The following GRIN2B variants were observed in gnomAD, a reference collection of about 807,000 sequenced individuals.
GRIN2B encodes the protein glutamate ionotropic receptor NMDA type subunit 2B.
Under a neutral mutation model 114.5 loss-of-function variants are expected in GRIN2B, and 5 were observed. That is an observed-to-expected ratio of 0.04 (90% CI 0.02 to 0.09). GRIN2B has a LOEUF of 0.09. Ranked by LOEUF, GRIN2B falls within the 10% of genes least tolerant of loss-of-function variation. GRIN2B has a pLI of 1.00. For missense variants in GRIN2B, 1,108 were observed against 1,943.5 expected, an observed-to-expected ratio of 0.57 and a Z score of 8.08; for synonymous variants, 787 against 745.1, an observed-to-expected ratio of 1.06 and a Z score of -0.92.
chr12:13,927,247 G>A (rs993132659), intron 2 of GRIN2B, among the ~76,000 whole-genome samples: 1 of 152,078 alleles, frequency 6.6e-6, no homozygotes, highest in Non-Finnish European at 1.5e-5. Context: ...TTTAAAACAG[G>A]GCATCTGATT....
chr12:13,692,956 T>C (rs1226267726), intron 4 of GRIN2B, among the ~76,000 whole-genome samples: 1 of 151,414 alleles, frequency 6.6e-6, no homozygotes, highest in East Asian at 1.9e-4. Flanking sequence ...TTAGTAGAGA[T>C]GGGGTTGCTC....
chr12:13,757,630 G>A (rs1295242584), intron 3 of GRIN2B, among the ~76,000 whole-genome samples: 3 of 152,124 alleles, frequency 2.0e-5, no homozygotes, highest in Admixed American at 6.5e-5. Context: ...AAGAATCCCA[G>A]TCAAATTTAT....
At chr12:13,611,467 A>G (rs982641771) in intron 9 of GRIN2B, among the ~76,000 whole-genome samples, 3 of 152,172 alleles carry the variant, frequency 2.0e-5, no homozygotes, top group African/African-American at 7.2e-5. Context: ...ATATCTACCA[A>G]TAGTTTTTCC....
intron 2 of GRIN2B, among the ~76,000 whole-genome samples, chr12:13,920,283 A>C: frequency 6.6e-6 from 1 of 151,414 alleles, no homozygotes; most frequent in Non-Finnish European, 1.5e-5. Flanking sequence ...GGTGGAGAGT[A>C]GGAGGTGAAG....
At chr12:13,691,022 T>G (rs1950212027) in intron 4 of GRIN2B, among the ~76,000 whole-genome samples, 1 of 152,186 alleles carries the variant, frequency 6.6e-6, no homozygotes, top group Non-Finnish European at 1.5e-5. Context: ...TTTCTAGTAC[T>G]TTTCAATTTT....
In GRIN2B at chr12:13,866,133, C is replaced by T. The variant is rs79962661; in HGVS notation, c.76G>A (p.Ala26Thr). Residue 26 changes from alanine (A) to threonine (T), a missense_variant, in exon 3 of 14, where the codon GCT becomes ACT. By Grantham distance (58) the Ala-to-Thr change is moderately conservative. Around this residue, in one of 19 missense-constraint regions of GRIN2B, gnomAD observed 46 missense variants for 44.4 expected, o/e 1.04. Transcript: ENST00000609686. ...CTGGGGGGGCTCTTCTGAGAACGAG[C>T]TCTGCTGCCTGACACGGCCAGGACG... ...LAVLAVSGSR[A>T]RSQKSPPSIG... The T allele has an allele frequency of 1.2e-6, 2 of 1,613,622 alleles. No individual in the cohort carries two copies. The highest frequency in any genetic ancestry group is 1.7e-6 in the Non-Finnish European group (2 of 1,180,002).
chr12:13,605,551 T>TCTCTCTCTCTCTCTCTCTCTCTCACA, intron 10 of GRIN2B, among the ~76,000 whole-genome samples: 8 of 30,446 alleles, frequency 2.6e-4, no homozygotes, highest in Admixed American at 3.8e-4. Flanking sequence ...TCTCTCTCTC[T>TCTCTCTCTCTCTCTCTCTCTCTCACA]GACACACACA....
At chr12:13,912,028 C>G (rs1202873511) in intron 2 of GRIN2B, among the ~76,000 whole-genome samples, 1 of 152,116 alleles carries the variant, frequency 6.6e-6, no homozygotes, top group Non-Finnish European at 1.5e-5. Context: ...CCAAGCCCCT[C>G]AGAACTCGCC....
intron 3 of GRIN2B, among the ~76,000 whole-genome samples, chr12:13,769,971 C>T (rs1044543022): frequency 1.3e-5 from 2 of 152,196 alleles, no homozygotes; most frequent in Non-Finnish European, 2.9e-5. Context: ...TTTATTTTAT[C>T]TGAACTTCTA....
intron 4 of GRIN2B, among the ~76,000 whole-genome samples, chr12:13,716,189 G>A (rs1181056821): frequency 6.6e-6 from 1 of 151,872 alleles, no homozygotes; most frequent in East Asian, 1.9e-4. Context: ...TTAATAGTAA[G>A]TTCTGCATAA....
intron 5 of GRIN2B, among the ~76,000 whole-genome samples, chr12:13,628,016 G>A (rs1949585556): frequency 6.6e-6 from 1 of 152,208 alleles, no homozygotes; most frequent in Non-Finnish European, 1.5e-5. Context: ...TTTGAACACA[G>A]GCAGTCTGAC....
chr12:13,680,145 A>G (rs902035393), intron 4 of GRIN2B, among the ~76,000 whole-genome samples: 1 of 152,168 alleles, frequency 6.6e-6, no homozygotes, highest in African/African-American at 2.4e-5. Flanking sequence ...AGGCTAAACT[A>G]GATCAAATGG....
At chr12:13,895,338 T>A (rs1866335315) in intron 2 of GRIN2B, among the ~76,000 whole-genome samples, 1 of 152,200 alleles carries the variant, frequency 6.6e-6, no homozygotes, top group Non-Finnish European at 1.5e-5. Flanking sequence ...AACATCCAAC[T>A]CTTACCCTAC....
intron 10 of GRIN2B, among the ~76,000 whole-genome samples, chr12:13,588,649 GA>G (rs1357052755): frequency 3.9e-5 from 6 of 152,208 alleles, no homozygotes; most frequent in Non-Finnish European, 8.8e-5. Context: ...GCATGCTCAA[GA>G]AAAATCATGC....
intron 3 of GRIN2B, among the ~76,000 whole-genome samples, chr12:13,759,357 G>A (rs768930250): frequency 3.9e-5 from 6 of 152,038 alleles, no homozygotes; most frequent in Non-Finnish European, 8.8e-5. Context: ...ACAGAAATAA[G>A]GCATGCCTAA....
Position 13,547,192 on chromosome 12 carries a change from A to C in GRIN2B, c.*15591T>G, listed in dbSNP as rs1442919305. The C allele has an allele frequency of 2.0e-5, 3 of 152,196 alleles. No individual in the cohort carries two copies. Among genetic ancestry groups the C allele is most frequent in the Non-Finnish European group, 4.4e-5 (3 of 68,054 alleles). The allele number at this position is 152,196 out of a possible 1,614,324, so 9.4% of individuals were successfully genotyped here. On this transcript the variant is annotated 3_prime_UTR_variant, in exon 14 of 14. Transcript: ENST00000609686. ...GCCAAAAACATGAAGGGGAACCAGG[A>C]GAGCTGCCAGGAGGCTGGGAGGTGA...
intron 2 of GRIN2B, among the ~76,000 whole-genome samples, chr12:13,960,111 G>T (rs562201660): frequency 6.6e-6 from 1 of 152,162 alleles, no homozygotes; most frequent in Admixed American, 6.5e-5. Flanking sequence ...AGCATCCCAG[G>T]CCTCTACCCC....
chr12:13,852,555 T>C (rs1179618983), intron 3 of GRIN2B, among the ~76,000 whole-genome samples: 1 of 152,010 alleles, frequency 6.6e-6, no homozygotes, highest in Non-Finnish European at 1.5e-5. Context: ...CTTTCAATAC[T>C]AGTAGATAAC....
chr12:13,688,660 C>T (rs954547316), intron 4 of GRIN2B, among the ~76,000 whole-genome samples: 2 of 152,166 alleles, frequency 1.3e-5, no homozygotes, highest in Non-Finnish European at 2.9e-5. Context: ...AGACTGAATT[C>T]TTGGAGTTCT....
Sources: allele counts gnomAD v4.1 joint callset (sites outside exome capture counted in the v4.1 genomes callset), GRCh38; gene constraint gnomAD v4.1.1; regional missense constraint gnomAD v4.1.1; transcripts MANE v1.5; gene names NCBI Gene and HGNC (gene_info 2026-07-23, HGNC 2026-07-21).